The following EPDR1 variants were observed in gnomAD, a reference collection of about 807,000 sequenced individuals.
EPDR1 encodes ependymin related 1.
A neutral mutation model predicts 23.7 loss-of-function variants in EPDR1; 27 were observed. That is an observed-to-expected ratio of 1.14 (90% CI 0.84 to 1.57). The LOEUF is 1.57. Among genes scored for constraint, EPDR1 ranks in the 40% most tolerant of loss-of-function variants. The pLI is 0.00. For synonymous variants in EPDR1, 137 were observed against 118.2 expected, an observed-to-expected ratio of 1.16 and a Z score of -1.03; for missense variants, 349 against 290.4, an observed-to-expected ratio of 1.20 and a Z score of -1.47.
rs147548064 is a variant in EPDR1 at position 37,925,956 on chromosome 7, T to C, written c.269+4748T>C. Reference sequence around the variant, plus strand: ...CTTTTTCTTCCTTCTCTTTTTCATCTAAGCCTGTGCTTATGAGTAGAAAAA... The same window carrying C: ...CTTTTTCTTCCTTCTCTTTTTCATCCAAGCCTGTGCTTATGAGTAGAAAAA... On this transcript the variant is annotated intron_variant, in intron 1 of 2. Transcript: ENST00000199448. Among the ~76,000 whole-genome samples the C allele has an allele frequency of 6.4e-3, 970 of 152,344 alleles. 11 individuals carry two copies. Among genetic ancestry groups the C allele is most frequent in the African/African-American group, 0.021 (886 of 41,572 alleles).
chr7:37,950,243 T>G lies in EPDR1; in HGVS notation c.522T>G (p.Pro174=), dbSNP rs1186194371. 6.2e-7 allele frequency: 1 copy of G among 1,614,162 alleles called. No individual in the cohort carries two copies. The highest frequency in any genetic ancestry group is 8.5e-7 in the Non-Finnish European group (1 of 1,179,996). ...IGIYTVKDCY[P]VQETFTINYS... ...TCTATACAGTCAAGGATTGCTATCC[T>G]GTCCAGGAAACCTTTACCATAAACT... The change falls in exon 3 of 3, where the codon CCT becomes CCG. Residue 174 remains proline (P), a synonymous_variant. Coordinates refer to ENST00000199448, the MANE Select transcript of EPDR1 (RefSeq NM_017549.5).
At chr7:37,926,152 A>G (rs940644170) in intron 1 of EPDR1, among the ~76,000 whole-genome samples, 1 of 152,324 alleles carries the variant, frequency 6.6e-6, no homozygotes, top group Non-Finnish European at 1.5e-5. Flanking sequence ...TAACTTCAGT[A>G]ATCTTATGTG....
chr7:37,942,951 A>G (rs1019400384), intron 1 of EPDR1, among the ~76,000 whole-genome samples: 1 of 152,242 alleles, frequency 6.6e-6, no homozygotes, highest in East Asian at 1.9e-4. Flanking sequence ...CCTTTGTCCC[A>G]TATGGTGAGA....
At chr7:37,937,744 T>A (rs1786083321) in intron 1 of EPDR1, among the ~76,000 whole-genome samples, 1 of 152,176 alleles carries the variant, frequency 6.6e-6, no homozygotes, top group African/African-American at 2.4e-5. Flanking sequence ...GTTCCACACC[T>A]TAAATCTATG....
At position 37,920,654 on chromosome 7, in the gene EPDR1, C is replaced by CGGCAGAAGGCAGT. The variant is rs1256312066; in HGVS notation, c.-280_-268dup. 11 of 1,574,026 alleles carry CGGCAGAAGGCAGT rather than the reference C, an allele frequency of 7.0e-6. No individual in the cohort carries two copies. The highest frequency in any genetic ancestry group is 9.5e-6 in the Non-Finnish European group (11 of 1,154,398). On this transcript the variant is annotated 5_prime_UTR_variant, in exon 1 of 3. Transcript: ENST00000199448. The stretch of plus-strand genomic sequence containing the variant: ...CAGCAGTGAGCAGTGAAAACCGAAG[C>CGGCAGAAGGCAGT]GGCAGAAGGCAGTGGCAGCAGGCAG...
intron 1 of EPDR1, among the ~76,000 whole-genome samples, chr7:37,922,489 CTTA>C (rs1001937010): frequency 6.6e-6 from 1 of 152,120 alleles, no homozygotes; most frequent in African/African-American, 2.4e-5. Flanking sequence ...CAGTTGCATA[CTTA>C]TTATATATGA....
intron 1 of EPDR1, chr7:37,921,538 G>C (rs1397430271): frequency 1.4e-5 from 18 of 1,277,922 alleles, no homozygotes; most frequent in Non-Finnish European, 1.7e-5. Flanking sequence ...GCTGAGTCAG[G>C]CTCTGGGCTC....
intron 1 of EPDR1, among the ~76,000 whole-genome samples, chr7:37,921,655 T>C (rs184448976): frequency 1.3e-5 from 2 of 152,358 alleles, no homozygotes; most frequent in Admixed American, 6.5e-5. Context: ...GAAATACTTT[T>C]TGTATTTTAA....
At chr7:37,924,444 T>G (rs138016296) in intron 1 of EPDR1, among the ~76,000 whole-genome samples, 8 of 152,314 alleles carry the variant, frequency 5.3e-5, no homozygotes, top group Non-Finnish European at 8.8e-5. Flanking sequence ...AATGGACCCT[T>G]GGTGAGTACT....
rs1318569331 is a variant in EPDR1, at chr7:37,950,386, G to C, written c.665G>C (p.Cys222Ser). The change falls in exon 3 of 3, where the codon TGC (cysteine) becomes TCC (serine). Residue 222 changes from cysteine (C) to serine (S), a missense_variant. Cys to Ser is a moderately radical substitution (Grantham distance 112). Transcript: ENST00000199448. The part of the protein sequence containing the change: ...MAQLEKMSED[C>S]SW ...CAACTGGAGAAGATGAGCGAAGACT[G>C]CTCCTGGTGAGCCTGTGCATAGGGA... 1 of 1,612,094 alleles carries C rather than the reference G, an allele frequency of 6.2e-7. No homozygotes were observed. Among genetic ancestry groups the C allele is most frequent in the South Asian group, 1.1e-5 (1 of 90,610 alleles).
intron 1 of EPDR1, 141 bp downstream of exon 1, chr7:37,921,349 G>T (rs1247528176): frequency 1.4e-6 from 2 of 1,420,456 alleles, no homozygotes; most frequent in African/African-American, 1.5e-5. Flanking sequence ...TCGCGAGGAG[G>T]GTCTCTTGGG....
At chr7:37,940,390 T>C (rs111666844) in intron 1 of EPDR1, among the ~76,000 whole-genome samples, 64 of 152,276 alleles carry the variant, frequency 4.2e-4, no homozygotes, top group African/African-American at 1.4e-3. Flanking sequence ...TTTTTACATA[T>C]TTAAATAATA....
intron 1 of EPDR1, among the ~76,000 whole-genome samples, chr7:37,928,614 G>A (rs2132002662): frequency 6.6e-6 from 1 of 152,240 alleles, no homozygotes; most frequent in East Asian, 1.9e-4. Context: ...TCATCTTATT[G>A]TAGATTAATT....
intron 1 of EPDR1, among the ~76,000 whole-genome samples, chr7:37,944,339 G>A (rs1174473603): frequency 1.3e-5 from 2 of 152,156 alleles, no homozygotes; most frequent in Non-Finnish European, 2.9e-5. Context: ...ATTAGACCTC[G>A]GTTGCCATGA....
At chr7:37,948,814 A>G in intron 1 of EPDR1, 26 bp from the exon 2 acceptor site, 2 of 1,600,484 alleles carry the variant, frequency 1.2e-6, no homozygotes, top group Non-Finnish European at 8.6e-7. Context: ...GAAGTCCCAA[A>G]CTACTTCTTT....
chr7:37,933,502 A>T (rs903634757), intron 1 of EPDR1, among the ~76,000 whole-genome samples: 3 of 152,176 alleles, frequency 2.0e-5, no homozygotes, highest in African/African-American at 7.2e-5. Flanking sequence ...ATATTTTCTC[A>T]TCTGTTAAAA....
chr7:37,950,273 T>C lies in EPDR1; in HGVS notation c.552T>C (p.Ser184=). 3 of 1,614,024 alleles carry C rather than the reference T, an allele frequency of 1.9e-6. No individual in the cohort carries two copies. The African/African-American group carries it at 4.0e-5, about 22-fold the overall frequency. The change falls in exon 3 of 3, where the codon AGT becomes AGC. Residue 184 remains serine, a synonymous_variant. Coordinates refer to ENST00000199448, the MANE Select transcript of EPDR1 (RefSeq NM_017549.5). ...PVQETFTINY[S]VILSTRFFDI... is the part of the protein sequence containing the mutation. ...AGGAAACCTTTACCATAAACTACAG[T>C]GTGATATTGTCTACGCGGTTTTTTG...
At chr7:37,940,127 G>A (rs1786140635) in intron 1 of EPDR1, among the ~76,000 whole-genome samples, 1 of 152,210 alleles carries the variant, frequency 6.6e-6, no homozygotes, top group Non-Finnish European at 1.5e-5. Context: ...GTAGGCATTA[G>A]TGGAGAATGG....
chr7:37,934,223 G>C (rs1786004080), intron 1 of EPDR1, among the ~76,000 whole-genome samples: 2 of 152,108 alleles, frequency 1.3e-5, no homozygotes, highest in African/African-American at 4.8e-5. Flanking sequence ...TGATCCACCT[G>C]CCTTGGCCTC....
Sources: allele counts gnomAD v4.1 joint callset (sites outside exome capture counted in the v4.1 genomes callset), GRCh38; gene constraint gnomAD v4.1.1; transcripts MANE v1.5; gene names NCBI Gene and HGNC (gene_info 2026-07-23, HGNC 2026-07-21).